Variants in BPTF observed in about 807,000 individuals in gnomAD.
The protein encoded by BPTF is nucleosome-remodeling factor subunit BPTF.
BPTF carries 18 observed loss-of-function variants against 292.5 expected under a neutral mutation model. That is an observed-to-expected ratio of 0.06 (90% CI 0.04 to 0.09). The LOEUF is 0.09. Among genes scored for constraint, BPTF ranks in the 10% least tolerant of loss-of-function variants. The pLI is 1.00. For synonymous variants in BPTF, 1,225 were observed against 1,251.9 expected (o/e 0.98, Z 0.45); for missense variants, 2,726 against 3,498.7 (o/e 0.78, Z 5.57).
At chr17:67,928,749 C>A (rs1396549991) in intron 16 of BPTF, 148 bp downstream of exon 16, 11 of 1,135,404 alleles carry the variant, frequency 9.7e-6, no homozygotes, top group African/African-American at 1.6e-5. Flanking sequence ...TGGTTTGTTA[C>A]AAATAATGTT....
chr17:67,889,148 G>C (rs1056969800), intron 4 of BPTF, among the ~76,000 whole-genome samples: 1 of 151,974 alleles, frequency 6.6e-6, no homozygotes, highest in African/African-American at 2.4e-5. Context: ...CTGCTGCCAG[G>C]CTGCATCACA....
In BPTF at chr17:67,922,979, A is replaced by G. The variant is rs1258103783; in HGVS notation, c.5697A>G (p.Ala1899=). The change falls in exon 14 of 28, where the codon GCA becomes GCG. Residue 1899 remains alanine (A), a synonymous_variant. Transcript: ENST00000306378. Reference sequence around the variant, plus strand: ...AACTGGAATTGTGGGAGATCAGGGCATTTGCTGAGAGGTAAGGAAATGGTT... The same window carrying G: ...AACTGGAATTGTGGGAGATCAGGGCGTTTGCTGAGAGGTAAGGAAATGGTT... The part of the protein sequence containing the change: ...EEELELWEIR[A]FAERVEKEKA... The G allele has an allele frequency of 1.2e-6, 2 of 1,613,496 alleles. No individual in the cohort carries two copies. Among genetic ancestry groups the G allele is most frequent in the Non-Finnish European group, 1.7e-6 (2 of 1,179,900 alleles).
chr17:67,839,029 C>T (rs956856252), intron 1 of BPTF, among the ~76,000 whole-genome samples: 1 of 151,796 alleles, frequency 6.6e-6, no homozygotes, highest in Non-Finnish European at 1.5e-5. Flanking sequence ...GTGTCATCTG[C>T]AAAAATGAAT....
chr17:67,976,013 C>A, intron 27 of BPTF, 55 bp downstream of exon 27: 3 of 1,378,682 alleles, frequency 2.2e-6, no homozygotes, highest in Non-Finnish European at 3.0e-6. Flanking sequence ...ACTCTTTATA[C>A]TATTCTGTCT....
At chr17:67,957,442 C>G (rs1330172722) in intron 23 of BPTF, among the ~76,000 whole-genome samples, 2 of 152,160 alleles carry the variant, frequency 1.3e-5, no homozygotes, top group Non-Finnish European at 2.9e-5. Context: ...TGGCTCACAC[C>G]TGTAATCCAA....
At chr17:67,963,617 C>T (rs2067721435) in intron 24 of BPTF, 1 of 1,123,264 alleles carries the variant, frequency 8.9e-7, no homozygotes, top group Non-Finnish European at 1.1e-6. Flanking sequence ...ATTTATTATA[C>T]ACTTACATTA....
At chr17:67,961,683 CA>C (rs1371555567) in intron 24 of BPTF, among the ~76,000 whole-genome samples, 4 of 151,890 alleles carry the variant, frequency 2.6e-5, no homozygotes, top group African/African-American at 9.7e-5. Flanking sequence ...CCCGTCTGTA[CA>C]AAAAATTGGC....
intron 4 of BPTF, among the ~76,000 whole-genome samples, chr17:67,887,818 A>G (rs1251200735): frequency 1.3e-5 from 2 of 152,200 alleles, no homozygotes; most frequent in Non-Finnish European, 2.9e-5. Context: ...CTCTCCCAGT[A>G]CAGACAGGCT....
intron 1 of BPTF, among the ~76,000 whole-genome samples, chr17:67,846,097 A>G (rs1304693837): frequency 1.3e-5 from 2 of 152,330 alleles, no homozygotes; most frequent in South Asian, 2.1e-4. Flanking sequence ...TTGATGAACC[A>G]TTGTATTTAG....
At chr17:67,904,467 T>C (rs142982955) in intron 8 of BPTF, among the ~76,000 whole-genome samples, 1 of 152,232 alleles carries the variant, frequency 6.6e-6, no homozygotes, top group Admixed American at 6.5e-5. Context: ...AACTGTAAAA[T>C]TGTGTTACAT....
intron 27 of BPTF, among the ~76,000 whole-genome samples, chr17:67,980,363 C>T (rs1453796824): frequency 6.6e-6 from 1 of 151,966 alleles, no homozygotes; most frequent in Non-Finnish European, 1.5e-5. Context: ...ATACATCTAC[C>T]CAGAGAACTG....
At chr17:67,901,740 A>G (rs962295372) in intron 7 of BPTF, among the ~76,000 whole-genome samples, 19 of 152,254 alleles carry the variant, frequency 1.2e-4, no homozygotes, top group African/African-American at 1.9e-4. Flanking sequence ...TAGAAGTTCA[A>G]TACTAACTCA....
At chr17:67,953,117 A>T (rs1232857467) in intron 23 of BPTF, among the ~76,000 whole-genome samples, 1 of 151,386 alleles carries the variant, frequency 6.6e-6, no homozygotes, top group Non-Finnish European at 1.5e-5. Flanking sequence ...GCAGGCTGCA[A>T]CGCCTGGCTA....
chr17:67,970,166 G>C (rs2068606256), intron 26 of BPTF, among the ~76,000 whole-genome samples: 2 of 151,926 alleles, frequency 1.3e-5, no homozygotes, highest in South Asian at 4.2e-4. Context: ...CTGGGAGGTG[G>C]AGGTTGCGGT....
rs552123603 is a variant in BPTF at position 67,917,672 on chromosome 17, G to A, written c.5304-1042G>A. 1.1e-4 allele frequency among the ~76,000 whole-genome samples: 16 copies of A among 151,406 alleles called. No individual in the cohort carries two copies. The East Asian group carries it at 1.2e-3, about 11-fold the overall frequency. ...TTAGAGACAGAGTTTCACTCTTGTC[G>A]CCCAGGCTAGAGTGCAATGGCATGA... is the stretch of plus-strand genomic sequence containing the variant. On this transcript the variant is annotated intron_variant, in intron 11 of 27. Coordinates refer to ENST00000306378, the MANE Select transcript of BPTF (RefSeq NM_182641.4).
chr17:67,934,870 CAAAAAAAAAAA>C (rs569120237), intron 18 of BPTF, among the ~76,000 whole-genome samples: 1 of 91,052 alleles, frequency 1.1e-5, no homozygotes, highest in East Asian at 3.2e-4. Flanking sequence ...AACTCTGTCT[CAAAAAAAAAAA>C]AAAAAAAAGC....
chr17:67,909,498 C>A, intron 9 of BPTF, 84 bp from the exon 10 acceptor site: 2 of 794,450 alleles, frequency 2.5e-6, no homozygotes, highest in South Asian at 3.7e-5. Context: ...CTGGAAATTA[C>A]TTGTTTATTT....
intron 1 of BPTF, among the ~76,000 whole-genome samples, chr17:67,843,943 T>G (rs553480008): frequency 3.3e-5 from 5 of 151,028 alleles, no homozygotes; most frequent in South Asian, 2.1e-4. Flanking sequence ...TTTATTATTA[T>G]TAGTAGAGAT....
intron 6 of BPTF, 121 bp from the exon 7 acceptor site, chr17:67,893,913 G>C (rs2146320015): frequency 1.5e-6 from 2 of 1,304,914 alleles, no homozygotes; most frequent in Non-Finnish European, 2.1e-6. Flanking sequence ...CTATTTGGAG[G>C]ATTTTTAGGA....
Sources: gnomAD v4.1 joint callset for allele counts (sites outside exome capture counted in the v4.1 genomes callset) on GRCh38, gnomAD v4.1.1 for gene constraint, MANE v1.5 for transcripts, NCBI Gene and HGNC (gene_info 2026-07-23, HGNC 2026-07-21) for gene names.